ZNF438: variants seen among roughly 807,000 people sequenced by gnomAD.
The protein encoded by ZNF438 is zinc finger protein 438.
In ZNF438, 25 loss-of-function variants were observed where a neutral mutation model predicts 38.0. That is an observed-to-expected ratio of 0.66 (90% CI 0.48 to 0.92). ZNF438 has a LOEUF of 0.92. Among genes scored for constraint, ZNF438 ranks in the 40% least tolerant of loss-of-function variants. The pLI is 0.00. For synonymous variants in ZNF438, 372 were observed against 364.1 expected, an observed-to-expected ratio of 1.02 and a Z score of -0.25; for missense variants, 1,007 against 999.6, an observed-to-expected ratio of 1.01 and a Z score of -0.10.
intron 1 of ZNF438, among the ~76,000 whole-genome samples, chr10:31,031,000 G>A (rs2057256442): frequency 6.6e-6 from 1 of 152,200 alleles, no homozygotes; most frequent in African/African-American, 2.4e-5. Flanking sequence ...CATTGTAATT[G>A]CCAAGAGTAC....
intron 1 of ZNF438, among the ~76,000 whole-genome samples, chr10:30,994,370 G>C (rs1262992690): frequency 2.0e-5 from 3 of 152,244 alleles, no homozygotes; most frequent in African/African-American, 7.2e-5. Flanking sequence ...AGGTGACTGG[G>C]TCATGAGGGT....
At chr10:30,939,915 T>C (rs1291011569) in intron 2 of ZNF438, among the ~76,000 whole-genome samples, 1 of 152,204 alleles carries the variant, frequency 6.6e-6, no homozygotes, top group Non-Finnish European at 1.5e-5. Flanking sequence ...CTAACCACTA[T>C]TTATAACATT....
intron 1 of ZNF438, among the ~76,000 whole-genome samples, 165 bp downstream of exon 1, chr10:31,031,668 C>T (rs1336905534): frequency 6.6e-6 from 1 of 152,108 alleles, no homozygotes; most frequent in Admixed American, 6.5e-5. Context: ...AGGTCCCTAC[C>T]GCCCAGCAGG....
chr10:30,851,552 A>AT lies in ZNF438; in HGVS notation c.38-1186dup, dbSNP rs58696373. Among the ~76,000 whole-genome samples, 901 of 152,354 alleles carry AT rather than the reference A, an allele frequency of 5.9e-3. 8 individuals are homozygous for AT. Among genetic ancestry groups the AT allele is most frequent in the African/African-American group, 0.021 (867 of 41,580 alleles). ...TGTGGTTTGGAATTTATATTTTCAA[A>AT]TTTTGGAAAAGTAGTAAGATGCGTG... On this transcript the variant is annotated intron_variant, in intron 4 of 5. Coordinates refer to ENST00000413025, the Ensembl canonical transcript of ZNF438.
intron 3 of ZNF438, among the ~76,000 whole-genome samples, chr10:30,887,786 T>C (rs1034715878): frequency 1.3e-5 from 2 of 152,178 alleles, no homozygotes; most frequent in Non-Finnish European, 2.9e-5. Context: ...ATTGAAAATA[T>C]ATAATATCAT....
At chr10:30,944,503 G>A (rs2047158173) in intron 1 of ZNF438, among the ~76,000 whole-genome samples, 1 of 152,164 alleles carries the variant, frequency 6.6e-6, no homozygotes, top group Non-Finnish European at 1.5e-5. Context: ...AAAACTATAT[G>A]GGGGTTGGGT....
intron 1 of ZNF438, among the ~76,000 whole-genome samples, chr10:30,952,874 C>T (rs1177126760): frequency 6.3e-5 from 3 of 47,340 alleles, no homozygotes; most frequent in Non-Finnish European, 8.3e-5. Flanking sequence ...ACTAGAAATA[C>T]CATTTGACCC....
intron 3 of ZNF438, among the ~76,000 whole-genome samples, chr10:30,880,156 C>T (rs185460516): frequency 1.3e-5 from 2 of 152,068 alleles, no homozygotes; most frequent in East Asian, 1.9e-4. Flanking sequence ...TCTGGCTGGA[C>T]GCGGAGGCTC....
At chr10:30,873,325 G>C (rs2037802290) in intron 4 of ZNF438, among the ~76,000 whole-genome samples, 1 of 151,924 alleles carries the variant, frequency 6.6e-6, no homozygotes, top group African/African-American at 2.4e-5. Flanking sequence ...AGAAAAATCT[G>C]TAATATAGTA....
At chr10:30,880,018 T>C (rs1187963875) in intron 3 of ZNF438, among the ~76,000 whole-genome samples, 1 of 152,018 alleles carries the variant, frequency 6.6e-6, no homozygotes, top group Non-Finnish European at 1.5e-5. Context: ...GGTATATCAT[T>C]GCCAAACTGC....
chr10:31,010,934 G>C (rs1343011735), intron 1 of ZNF438, among the ~76,000 whole-genome samples: 1 of 130,014 alleles, frequency 7.7e-6, no homozygotes, highest in Middle Eastern at 4.2e-3. Context: ...ATTTTGTTGA[G>C]AAGGACAGAC....
intron 1 of ZNF438, among the ~76,000 whole-genome samples, chr10:31,010,868 GGATAACGAAGT>G (rs1392717094): frequency 7.8e-6 from 1 of 127,572 alleles, no homozygotes; most frequent in Non-Finnish European, 1.5e-5. Context: ...ACTCCAGCCT[GGATAACGAAGT>G]GAGACCCTGT....
intron 2 of ZNF438, among the ~76,000 whole-genome samples, chr10:30,937,973 C>T (rs985645636): frequency 6.6e-6 from 1 of 152,194 alleles, no homozygotes; most frequent in Middle Eastern, 3.4e-3. Flanking sequence ...GATTTTCAAC[C>T]CTGGATGATA....
At chr10:30,957,311 A>C (rs1026361213) in intron 1 of ZNF438, among the ~76,000 whole-genome samples, 6 of 152,190 alleles carry the variant, frequency 3.9e-5, no homozygotes, top group Non-Finnish European at 7.4e-5. Flanking sequence ...TCAGATGTGT[A>C]GTTAGCTAAT....
intron 1 of ZNF438, among the ~76,000 whole-genome samples, chr10:30,969,119 AGGCTAGAGAT>A (rs559914780): frequency 1.2e-3 from 181 of 152,288 alleles, no homozygotes; most frequent in African/African-American, 4.1e-3. Context: ...GTATAACTTC[AGGCTAGAGAT>A]GGTTTGCCAC....
At chr10:30,899,275 A>G (rs933613344) in intron 3 of ZNF438, among the ~76,000 whole-genome samples, 1 of 152,244 alleles carries the variant, frequency 6.6e-6, no homozygotes, top group Non-Finnish European at 1.5e-5. Flanking sequence ...AAGGGGAAAG[A>G]AGATGCTAAA....
intron 1 of ZNF438, among the ~76,000 whole-genome samples, chr10:30,948,074 C>A (rs556756552): frequency 2.0e-5 from 3 of 152,276 alleles, no homozygotes; most frequent in Admixed American, 2.0e-4. Context: ...ACTGCCTCCT[C>A]AAGTGGGTCC....
intron 1 of ZNF438, among the ~76,000 whole-genome samples, chr10:30,987,157 A>T (rs2052909308): frequency 6.6e-6 from 1 of 151,972 alleles, no homozygotes; most frequent in Non-Finnish European, 1.5e-5. Context: ...ACACAGGGTT[A>T]AAAAAATTGA....
intron 3 of ZNF438, among the ~76,000 whole-genome samples, chr10:30,885,329 C>T (rs1030985039): frequency 2.6e-5 from 4 of 152,144 alleles, no homozygotes; most frequent in African/African-American, 9.7e-5. Context: ...TAGGCTGTGC[C>T]TCTTGATTTT....
Sources: allele counts gnomAD v4.1 joint callset (sites outside exome capture counted in the v4.1 genomes callset), GRCh38; gene constraint gnomAD v4.1.1; transcripts MANE v1.5; gene names NCBI Gene and HGNC (gene_info 2026-07-23, HGNC 2026-07-21).